NRXN3: variants seen among roughly 807,000 people sequenced by gnomAD.
NRXN3 encodes the protein neurexin 3.
Under a neutral mutation model 137.6 loss-of-function variants are expected in NRXN3, and 32 were observed. The ratio of observed to expected loss-of-function variants is 0.23; its 90% CI spans 0.18 to 0.31. The LOEUF (loss-of-function observed/expected upper bound fraction) is 0.31. Among genes scored for constraint, NRXN3 ranks in the 10% least tolerant of loss-of-function variants. The pLI is 1.00. For missense variants in NRXN3, 1,574 were observed against 2,062.5 expected (o/e 0.76, Z 4.59); for synonymous variants, 798 against 784.5 (o/e 1.02, Z -0.29).
At chr14:79,388,000 G>A (rs1468031766) in intron 15 of NRXN3, among the ~76,000 whole-genome samples, 1 of 151,320 alleles carries the variant, frequency 6.6e-6, no homozygotes, top group East Asian at 2.0e-4. Flanking sequence ...TATAGCTAAT[G>A]TAAATGACGA....
intron 15 of NRXN3, chr14:79,279,237 G>A (rs1186225427): frequency 1.2e-5 from 6 of 513,204 alleles, no homozygotes; most frequent in Non-Finnish European, 1.5e-5. Flanking sequence ...GGGAAGGGCC[G>A]GGATTCCGGG....
intron 10 of NRXN3, among the ~76,000 whole-genome samples, chr14:78,931,713 A>C (rs1305834445): frequency 1.3e-5 from 2 of 152,174 alleles, no homozygotes; most frequent in African/African-American, 4.8e-5. Flanking sequence ...CTTGGTGAAA[A>C]TATCCCAAAA....
intron 16 of NRXN3, among the ~76,000 whole-genome samples, chr14:79,637,747 T>TTTTTTTTTTTTTTA (rs1603298457): frequency 2.0e-5 from 3 of 146,866 alleles, no homozygotes; most frequent in African/African-American, 5.2e-5. Flanking sequence ...TTTTTTTTTT[T>TTTTTTTTTTTTTTA]GAGATGGAGT....
At chr14:79,811,943 G>GT (rs1279566182) in intron 20 of NRXN3, among the ~76,000 whole-genome samples, 3 of 151,918 alleles carry the variant, frequency 2.0e-5, no homozygotes, top group African/African-American at 7.3e-5. Context: ...AACCATTGCA[G>GT]TAACTATGTG....
intron 4 of NRXN3, among the ~76,000 whole-genome samples, chr14:78,519,867 G>A (rs1012070508): frequency 6.6e-6 from 1 of 152,154 alleles, no homozygotes; most frequent in Non-Finnish European, 1.5e-5. Context: ...TGTAGAGCAT[G>A]CTGGAACACA....
intron 20 of NRXN3, among the ~76,000 whole-genome samples, chr14:79,859,418 G>T (rs1391367004): frequency 6.6e-6 from 1 of 152,302 alleles, no homozygotes; most frequent in East Asian, 1.9e-4. Context: ...CTGAAACCTG[G>T]ACAATTTGGA....
intron 10 of NRXN3, among the ~76,000 whole-genome samples, chr14:78,830,472 A>T (rs2098978512): frequency 6.6e-6 from 1 of 152,132 alleles, no homozygotes; most frequent in Admixed American, 6.5e-5. Flanking sequence ...TGTCAGGAAA[A>T]TGAAGAGTAA....
chr14:78,356,699 A>G (rs940956705), intron 4 of NRXN3, among the ~76,000 whole-genome samples: 4 of 152,140 alleles, frequency 2.6e-5, no homozygotes, highest in African/African-American at 9.7e-5. Flanking sequence ...GTTTTTGGCA[A>G]CTCTGGAGTG....
chr14:79,311,738 T>C (rs2087352180), intron 15 of NRXN3, among the ~76,000 whole-genome samples: 1 of 70,070 alleles, frequency 1.4e-5, no homozygotes, highest in Non-Finnish European at 2.7e-5. Flanking sequence ...GTTTGTAGTA[T>C]TCTCTGATGG....
chr14:78,845,736 A>G (rs926440381), intron 10 of NRXN3, among the ~76,000 whole-genome samples: 46 of 152,004 alleles, frequency 3.0e-4, no homozygotes, highest in African/African-American at 9.4e-4. Context: ...TGCGTGTAAG[A>G]TCTCACACTT....
intron 19 of NRXN3, 61 bp from the exon 20 acceptor site, chr14:79,805,051 C>A: frequency 8.6e-7 from 1 of 1,169,306 alleles, no homozygotes; most frequent in Non-Finnish European, 1.3e-6. Context: ...TCATTAGTTT[C>A]CTTATCTCTC....
At chr14:79,570,153 C>T (rs904954366) in intron 16 of NRXN3, among the ~76,000 whole-genome samples, 2 of 152,138 alleles carry the variant, frequency 1.3e-5, no homozygotes, top group Admixed American at 6.5e-5. Context: ...GAGTTTTCCA[C>T]GCTAGAACAC....
chr14:79,147,448 G>A (rs562285900), intron 15 of NRXN3, among the ~76,000 whole-genome samples: 4 of 152,114 alleles, frequency 2.6e-5, no homozygotes, highest in African/African-American at 7.2e-5. Context: ...GGAAGTGGGC[G>A]ATCTTGGGAA....
chr14:78,549,933 A>T (rs933432884), intron 4 of NRXN3, among the ~76,000 whole-genome samples: 2 of 151,958 alleles, frequency 1.3e-5, no homozygotes, highest in African/African-American at 4.8e-5. Context: ...TATCATCATT[A>T]CTATCCCTTT....
At chr14:78,984,050 A>T (rs1220099114) in intron 14 of NRXN3, among the ~76,000 whole-genome samples, 1 of 151,944 alleles carries the variant, frequency 6.6e-6, no homozygotes, top group Non-Finnish European at 1.5e-5. Context: ...AATAGTGGCT[A>T]TAGGAGGCGG....
chr14:78,670,145 A>T (rs1262441355), intron 6 of NRXN3, among the ~76,000 whole-genome samples: 3 of 152,066 alleles, frequency 2.0e-5, no homozygotes, highest in Non-Finnish European at 2.9e-5. Flanking sequence ...TTTGGTGAGA[A>T]TGATGGTTTC....
At chr14:78,879,779 T>C (rs1417610757) in intron 10 of NRXN3, among the ~76,000 whole-genome samples, 1 of 152,134 alleles carries the variant, frequency 6.6e-6, no homozygotes, top group Non-Finnish European at 1.5e-5. Context: ...CTGGAGGGTG[T>C]TTATGAGAAA....
intron 16 of NRXN3, among the ~76,000 whole-genome samples, chr14:79,554,655 A>T (rs1195785830): frequency 6.6e-6 from 1 of 152,176 alleles, no homozygotes; most frequent in Non-Finnish European, 1.5e-5. Flanking sequence ...AGCCAGAAGC[A>T]GCGTCTCTTC....
chr14:78,366,774 T>A (rs2086016390), intron 4 of NRXN3, among the ~76,000 whole-genome samples: 1 of 152,216 alleles, frequency 6.6e-6, no homozygotes, highest in Admixed American at 6.5e-5. Flanking sequence ...CCTCCATGAT[T>A]CAATTACCTC....
Sources: gnomAD v4.1 joint callset for allele counts (sites outside exome capture counted in the v4.1 genomes callset) on GRCh38, gnomAD v4.1.1 for gene constraint, MANE v1.5 for transcripts, NCBI Gene and HGNC (gene_info 2026-07-23, HGNC 2026-07-21) for gene names.